Variants in DPYD observed in about 807,000 individuals in gnomAD.
DPYD encodes the protein dihydropyrimidine dehydrogenase [NADP(+)].
Under a neutral mutation model 116.2 loss-of-function variants are expected in DPYD, and 109 were observed. The ratio of observed to expected loss-of-function variants is 0.94; its 90% CI spans 0.80 to 1.10. The LOEUF (loss-of-function observed/expected upper bound fraction) is 1.10. Among genes scored for constraint, DPYD ranks in the 50% least tolerant of loss-of-function variants. The pLI is 0.00. For missense variants in DPYD, 1,302 were observed against 1,254.5 expected (o/e 1.04, Z -0.57); for synonymous variants, 440 against 432.0 (o/e 1.02, Z -0.23).
chr1:97,826,479 C>G (rs542415474), intron 3 of DPYD, among the ~76,000 whole-genome samples: 1 of 152,082 alleles, frequency 6.6e-6, no homozygotes, highest in African/African-American at 2.4e-5. Flanking sequence ...CCCTCTTTGT[C>G]TTCCTGTTTG....
chr1:97,116,142 T>C (rs763558693), intron 20 of DPYD, among the ~76,000 whole-genome samples: 3 of 152,156 alleles, frequency 2.0e-5, no homozygotes, highest in Non-Finnish European at 2.9e-5. Flanking sequence ...TATGAGAATA[T>C]TTATATACAA....
intron 13 of DPYD, among the ~76,000 whole-genome samples, chr1:97,480,809 C>G (rs1026437618): frequency 1.3e-5 from 2 of 151,996 alleles, no homozygotes; most frequent in Non-Finnish European, 2.9e-5. Context: ...GGTGAAACCC[C>G]GTCTCTACTA....
At chr1:97,255,708 G>A (rs1038142606) in intron 18 of DPYD, among the ~76,000 whole-genome samples, 5 of 149,190 alleles carry the variant, frequency 3.4e-5, no homozygotes, top group Non-Finnish European at 4.5e-5. Context: ...TATTTTTGCC[G>A]TTTTTTTTTT....
intron 8 of DPYD, among the ~76,000 whole-genome samples, chr1:97,656,821 T>TA (rs913300850): frequency 1.3e-5 from 2 of 151,878 alleles, no homozygotes; most frequent in African/African-American, 4.8e-5. Flanking sequence ...ATTTTTTATT[T>TA]TTTTTTTTTT....
Position 97,921,030 on chromosome 1 carries a change from A to T in DPYD, c.-108T>A, listed in dbSNP as rs886046581. On this transcript the variant is annotated 5_prime_UTR_variant, in exon 1 of 23. Transcript: ENST00000370192. Reference sequence around the variant, plus strand: ...GCCGGAGCGCGAGTCGAAAACAGGCAGACTAGGGCCGGCGGCGCGGGGGCG... The same window carrying T: ...GCCGGAGCGCGAGTCGAAAACAGGCTGACTAGGGCCGGCGGCGCGGGGGCG... 7 of 1,402,478 alleles carry T rather than the reference A, an allele frequency of 5.0e-6. No homozygotes were observed. Among genetic ancestry groups the T allele is most frequent in the African/African-American group, 4.4e-5 (3 of 68,050 alleles). The allele number at this position is 1,402,478 out of a possible 1,614,324, so 86.9% of individuals were successfully genotyped here. A position where few individuals can be genotyped will look rare whatever the true frequency, so the allele number is the denominator to read the frequency against.
At chr1:97,530,194 A>C (rs902758929) in intron 12 of DPYD, among the ~76,000 whole-genome samples, 1 of 147,692 alleles carries the variant, frequency 6.8e-6, no homozygotes, top group African/African-American at 2.5e-5. Context: ...GGATGTATAC[A>C]TCAGAATTTC....
chr1:97,149,102 G>A (rs945924143), intron 20 of DPYD, among the ~76,000 whole-genome samples: 2 of 152,158 alleles, frequency 1.3e-5, no homozygotes, highest in African/African-American at 4.8e-5. Flanking sequence ...TTGAAAACTA[G>A]TATTTACTAA....
intron 3 of DPYD, among the ~76,000 whole-genome samples, chr1:97,803,804 C>T (rs760417485): frequency 3.3e-5 from 5 of 151,736 alleles, no homozygotes; most frequent in Middle Eastern, 3.2e-3. Flanking sequence ...TATTACCATG[C>T]GTTACATGGT....
rs1390954106 is a variant in DPYD, at chr1:97,437,409, A to T, written c.1905+12650T>A. Among the ~76,000 whole-genome samples, 3 of 151,860 alleles carry T rather than the reference A, an allele frequency of 2.0e-5. No homozygotes were observed. The East Asian group carries it at 5.8e-4, about 29-fold the overall frequency. On this transcript the variant is annotated intron_variant, in intron 14 of 22. Coordinates refer to ENST00000370192, the MANE Select transcript of DPYD (RefSeq NM_000110.4). ...TTTTTATTGCTAAGTGATATTTCAT[A>T]GTATGAATATACCACAATTTGTTTA...
intron 13 of DPYD, among the ~76,000 whole-genome samples, chr1:97,496,585 C>T (rs1360688337): frequency 6.6e-6 from 1 of 151,934 alleles, no homozygotes; most frequent in Non-Finnish European, 1.5e-5. Flanking sequence ...AAGTAAACAC[C>T]CATTTTTACG....
intron 12 of DPYD, among the ~76,000 whole-genome samples, chr1:97,538,152 C>T (rs996689720): frequency 2.0e-5 from 3 of 152,052 alleles, no homozygotes; most frequent in Non-Finnish European, 4.4e-5. Context: ...CAAATCACGG[C>T]ATAAACCTAG....
chr1:97,591,986 AATAAACGTGGAATTTGAAACTCAG>A (rs1654552897), intron 10 of DPYD, among the ~76,000 whole-genome samples: 1 of 152,164 alleles, frequency 6.6e-6, no homozygotes, highest in South Asian at 2.1e-4. Flanking sequence ...AAGTCCAGAT[AATAAACGTGGAATTTGAAACTCAG>A]CCATGAACCA....
At chr1:97,484,819 T>A (rs1267458130) in intron 13 of DPYD, among the ~76,000 whole-genome samples, 1 of 152,216 alleles carries the variant, frequency 6.6e-6, no homozygotes, top group Non-Finnish European at 1.5e-5. Context: ...GTAATAGCAT[T>A]ATATTTTTAT....
chr1:97,603,482 C>T (rs1655391927), intron 8 of DPYD, among the ~76,000 whole-genome samples: 1 of 151,878 alleles, frequency 6.6e-6, no homozygotes, highest in Admixed American at 6.6e-5. Flanking sequence ...GGAAAAAAAC[C>T]CTCAACCAAC....
chr1:97,390,134 G>C (rs1041823439), intron 14 of DPYD, among the ~76,000 whole-genome samples: 1 of 152,050 alleles, frequency 6.6e-6, no homozygotes, highest in African/African-American at 2.4e-5. Context: ...TCAGGTCTAT[G>C]CTTTTTAAAA....
intron 18 of DPYD, among the ~76,000 whole-genome samples, chr1:97,246,856 T>C (rs952338704): frequency 2.0e-5 from 3 of 152,128 alleles, no homozygotes; most frequent in Non-Finnish European, 2.9e-5. Context: ...AAAAATAATA[T>C]TCCTATTTTA....
At chr1:97,705,977 GT>G (rs965035611) in intron 5 of DPYD, among the ~76,000 whole-genome samples, 65 of 151,244 alleles carry the variant, frequency 4.3e-4, no homozygotes, top group African/African-American at 1.5e-3. Context: ...TTTTTGATGG[GT>G]TTTTTTTCTT....
At chr1:97,111,972 T>A (rs905827698) in intron 20 of DPYD, among the ~76,000 whole-genome samples, 8 of 152,096 alleles carry the variant, frequency 5.3e-5, no homozygotes, top group Non-Finnish European at 1.0e-4. Flanking sequence ...ATATAATTTA[T>A]ATAAATTGTA....
chr1:97,160,346 C>T (rs1655797233), intron 20 of DPYD, among the ~76,000 whole-genome samples: 1 of 141,882 alleles, frequency 7.0e-6, no homozygotes, highest in South Asian at 2.4e-4. Context: ...AATATTTTCC[C>T]CTAAGCTCTC....
Sources: allele counts gnomAD v4.1 joint callset (sites outside exome capture counted in the v4.1 genomes callset), GRCh38; gene constraint gnomAD v4.1.1; transcripts MANE v1.5; gene names NCBI Gene and HGNC (gene_info 2026-07-23, HGNC 2026-07-21).